The following WDR19 variants were observed in gnomAD, a reference collection of about 807,000 sequenced individuals.
WDR19 encodes WD repeat-containing protein 19.
Under a neutral mutation model 180.0 loss-of-function variants are expected in WDR19, and 121 were observed. The ratio of observed to expected loss-of-function variants is 0.67; its 90% CI spans 0.58 to 0.78. The LOEUF (loss-of-function observed/expected upper bound fraction) is 0.78, where lower values mean the gene tolerates loss of function less well. Among genes scored for constraint, WDR19 ranks in the 30% least tolerant of loss-of-function variants. WDR19 has a pLI of 0.00. For missense variants in WDR19, 1,450 were observed against 1,640.7 expected, an observed-to-expected ratio of 0.88 and a Z score of 2.01; for synonymous variants, 497 against 540.7, an observed-to-expected ratio of 0.92 and a Z score of 1.12.
chr4:39,182,651 C>T (rs750849412), intron 1 of WDR19, 88 bp downstream of exon 1: 3 of 1,570,662 alleles, frequency 1.9e-6, no homozygotes, highest in Non-Finnish European at 2.6e-6. Flanking sequence ...CTGTCCCTCT[C>T]CCTTCTGAGT....
At chr4:39,183,781 A>G (rs994089152) in intron 1 of WDR19, among the ~76,000 whole-genome samples, 5 of 152,236 alleles carry the variant, frequency 3.3e-5, no homozygotes, top group African/African-American at 1.2e-4. Flanking sequence ...AATAAGCTAC[A>G]AACAAAATTT....
At chr4:39,249,564 T>C (rs1732920988) in intron 24 of WDR19, among the ~76,000 whole-genome samples, 1 of 152,166 alleles carries the variant, frequency 6.6e-6, no homozygotes, top group Non-Finnish European at 1.5e-5. Context: ...GAGCTCGTTT[T>C]TTGAAAAGAT....
intron 28 of WDR19, among the ~76,000 whole-genome samples, chr4:39,264,436 G>T (rs1384765365): frequency 6.6e-6 from 1 of 152,212 alleles, no homozygotes; most frequent in Non-Finnish European, 1.5e-5. Context: ...CACAGGCAGG[G>T]CAGTGTGCAG....
chr4:39,277,931 G>A (rs1736062554), intron 34 of WDR19, among the ~76,000 whole-genome samples, 200 bp from the exon 35 acceptor site: 2 of 152,198 alleles, frequency 1.3e-5, no homozygotes, highest in Middle Eastern at 3.4e-3. Context: ...GCGCACGCCT[G>A]TAGTCCCAGG....
intron 14 of WDR19, among the ~76,000 whole-genome samples, chr4:39,222,942 TAA>T (rs1729848542): frequency 6.6e-6 from 1 of 152,212 alleles, no homozygotes; most frequent in Non-Finnish European, 1.5e-5. Context: ...GCCATTTCAA[TAA>T]TGTGTAAATG....
intron 20 of WDR19, chr4:39,237,955 C>A (rs914786962): frequency 6.6e-6 from 1 of 152,224 alleles, no homozygotes; most frequent in South Asian, 2.1e-4. Context: ...AATTCTCAAA[C>A]TTGTCTCATT....
chr4:39,248,848 AT>A (rs1732817050), intron 24 of WDR19, among the ~76,000 whole-genome samples: 1 of 152,252 alleles, frequency 6.6e-6, no homozygotes, highest in African/African-American at 2.4e-5. Flanking sequence ...ACCCAGATTC[AT>A]AAAGCAAGTC....
At chr4:39,247,425 G>A (rs371008253) in intron 24 of WDR19, among the ~76,000 whole-genome samples, 8 of 152,210 alleles carry the variant, frequency 5.3e-5, no homozygotes, top group East Asian at 3.9e-4. Context: ...CAGAAAAACC[G>A]GAAACTCTAA....
At chr4:39,278,391 G>GAGACTGAAT (rs1313063362) in intron 35 of WDR19, 148 bp from the exon 36 acceptor site, 1 of 805,852 alleles carries the variant, frequency 1.2e-6, no homozygotes, top group East Asian at 2.7e-5. Context: ...GATCTTGCAT[G>GAGACTGAAT]AGACTGAATA....
chr4:39,218,221 T>A, intron 14 of WDR19, 116 bp downstream of exon 14: 2 of 1,239,014 alleles, frequency 1.6e-6, no homozygotes, highest in Non-Finnish European at 2.2e-6. Flanking sequence ...ATACAATTAA[T>A]GAAGTTATCT....
intron 29 of WDR19, among the ~76,000 whole-genome samples, chr4:39,267,370 C>T (rs1734920885): frequency 6.6e-6 from 1 of 152,202 alleles, no homozygotes; most frequent in Admixed American, 6.5e-5. Context: ...GCCACAGAGA[C>T]CCAGAGCAGC....
At chr4:39,225,974 T>C (rs1355794409) in intron 15 of WDR19, among the ~76,000 whole-genome samples, 2 of 152,234 alleles carry the variant, frequency 1.3e-5, no homozygotes, top group African/African-American at 2.4e-5. Flanking sequence ...CCTCTCCCAA[T>C]TGCAAAGCAA....
intron 33 of WDR19, chr4:39,275,362 G>T: frequency 3.7e-6 from 1 of 273,024 alleles, no homozygotes; most frequent in Non-Finnish European, 7.2e-6. Flanking sequence ...AAAAAGATGG[G>T]CATATCAATT....
chr4:39,242,157 T>A (rs1361578995), intron 21 of WDR19, among the ~76,000 whole-genome samples: 1 of 152,136 alleles, frequency 6.6e-6, no homozygotes, highest in Admixed American at 6.5e-5. Flanking sequence ...CTCAAACTCC[T>A]GGGCTCAAGT....
intron 9 of WDR19, among the ~76,000 whole-genome samples, chr4:39,211,966 AGAGAGAGAGAGAGAGAGAG>A (rs1415341397): frequency 1.2e-3 from 174 of 150,606 alleles, no homozygotes; most frequent in African/African-American, 4.2e-3. Context: ...AGAGAGAGAG[AGAGAGAGAGAGAGAGAGAG>A]ATAGATAGAT....
chr4:39,270,961 C>T (rs904688689), intron 31 of WDR19, among the ~76,000 whole-genome samples: 1 of 143,922 alleles, frequency 6.9e-6, no homozygotes, highest in Non-Finnish European at 1.5e-5. Context: ...GTGGCCCGAT[C>T]TTGGCTCACT....
chr4:39,277,045 G>C lies in WDR19; in HGVS notation c.3742G>C (p.Glu1248Gln). The C allele has an allele frequency of 6.2e-7, 1 of 1,613,840 alleles. No individual in the cohort carries two copies. The highest frequency in any genetic ancestry group is 1.3e-5 in the African/African-American group (1 of 75,046). ...GAGACCCGATATATCTGAGATAGAA[G>C]AGGCCACGACTCCATGTCCATTCTG... ...VRRPDISEIEEATTPCPFCKF... is the reference protein window; with the variant it reads ...VRRPDISEIEQATTPCPFCKF... The change falls in exon 34 of 37, where the codon GAG (glutamate) becomes CAG (glutamine). Residue 1248 changes from glutamate to glutamine, a missense_variant. Glu to Gln is a conservative substitution (Grantham distance 29). Transcript: ENST00000399820.
chr4:39,248,260 T>C (rs1228842055), intron 24 of WDR19, among the ~76,000 whole-genome samples: 1 of 152,118 alleles, frequency 6.6e-6, no homozygotes, highest in African/African-American at 2.4e-5. Flanking sequence ...CTAAGCTTCA[T>C]AAGTGAAGGA....
Position 39,257,511 on chromosome 4 carries a change from C to A in WDR19, c.3140C>A (p.Pro1047Gln). 6.3e-7 allele frequency: 1 copy of A among 1,588,288 alleles called. No individual in the cohort carries two copies. Among genetic ancestry groups the A allele is most frequent in the Admixed American group, 1.8e-5 (1 of 56,748 alleles). Residue 1047 changes from proline (P) to glutamine (Q), a missense_variant, in exon 28 of 37, where the codon CCA (proline) becomes CAA (glutamine). Physicochemically the swap from Pro to Gln is moderately conservative, Grantham distance 76. Transcript: ENST00000399820. ...SRALKHFLKC[P>Q]SSEDNVAIEM... is the part of the protein sequence containing the mutation. ...GCACTTAAACACTTCCTGAAATGCC[C>A]AAGCTCGGAAGATAATGTGGCAATA...
Sources: allele counts gnomAD v4.1 joint callset (sites outside exome capture counted in the v4.1 genomes callset), GRCh38; gene constraint gnomAD v4.1.1; transcripts MANE v1.5; gene names NCBI Gene and HGNC (gene_info 2026-07-23, HGNC 2026-07-21).